Variants in PVT1 observed in about 807,000 individuals in gnomAD.
The protein encoded by PVT1 is CXCR4/PVT1 fusion.
At chr8:127,889,746 T>C (rs10111989) in intron 2 of PVT1, among the ~76,000 whole-genome samples, 115,787 of 151,996 alleles carry the variant, frequency 0.76, 44,960 homozygotes, top group African/African-American at 0.93. Flanking sequence ...GAATGGTTGT[T>C]TGTTCCTCCA....
intron 2 of PVT1, among the ~76,000 whole-genome samples, chr8:127,815,498 T>C (rs7812950): frequency 0.015 from 2,348 of 152,314 alleles, 56 homozygotes; most frequent in African/African-American, 0.053. Context: ...GTCTTGACCC[T>C]GTGCTGGGGC....
At chr8:128,050,508 G>A (rs921810408) in intron 4 of PVT1, among the ~76,000 whole-genome samples, 2 of 152,182 alleles carry the variant, frequency 1.3e-5, no homozygotes, top group African/African-American at 4.8e-5. Flanking sequence ...CTCACTTCTT[G>A]TCTTTTAAAC....
intron 4 of PVT1, among the ~76,000 whole-genome samples, chr8:128,022,126 C>G (rs1352227465): frequency 6.6e-6 from 1 of 152,164 alleles, no homozygotes; most frequent in East Asian, 1.9e-4. Context: ...AGCTCTGGAC[C>G]CTGTTTGGCC....
chr8:127,900,686 A>G (rs899726587), intron 3 of PVT1, among the ~76,000 whole-genome samples: 2 of 152,228 alleles, frequency 1.3e-5, no homozygotes, highest in Non-Finnish European at 1.5e-5. Context: ...TTTGTAAACA[A>G]TGCTGTCATG....
At chr8:127,966,158 C>T (rs561741514) in intron 3 of PVT1, among the ~76,000 whole-genome samples, 3 of 152,110 alleles carry the variant, frequency 2.0e-5, no homozygotes, top group Admixed American at 6.6e-5. Context: ...ATAATAACAG[C>T]GTCTAAGAGA....
intron 3 of PVT1, among the ~76,000 whole-genome samples, chr8:127,945,979 G>A (rs570765177): frequency 1.8e-4 from 28 of 152,242 alleles, no homozygotes; most frequent in African/African-American, 6.0e-4. Context: ...GCCTCGCTGC[G>A]GGTTGGAAAA....
At chr8:128,058,118 A>G (rs1208669778) in intron 4 of PVT1, among the ~76,000 whole-genome samples, 1 of 152,172 alleles carries the variant, frequency 6.6e-6, no homozygotes, top group African/African-American at 2.4e-5. Context: ...CCTACTCAAC[A>G]TGGAGCTCTG....
At chr8:127,932,518 CT>C in intron 3 of PVT1, 1 of 398,560 alleles carries the variant, frequency 2.5e-6, no homozygotes, top group Non-Finnish European at 4.4e-6. Flanking sequence ...CTCCCAGCAC[CT>C]GCCTTATCCA....
At chr8:127,924,458 C>T (rs572116482) in intron 3 of PVT1, among the ~76,000 whole-genome samples, 97 of 151,162 alleles carry the variant, frequency 6.4e-4, no homozygotes, top group African/African-American at 2.3e-3. Flanking sequence ...TTCAGCCTCC[C>T]GAGTAGCTGA....
intron 3 of PVT1, among the ~76,000 whole-genome samples, chr8:127,911,922 T>G (rs554236174): frequency 2.6e-5 from 4 of 152,338 alleles, no homozygotes; most frequent in Admixed American, 1.3e-4. Flanking sequence ...CACCACAGGT[T>G]TACGGGTGGT....
chr8:127,842,086 A>G (rs2129717201), intron 2 of PVT1, among the ~76,000 whole-genome samples: 1 of 150,890 alleles, frequency 6.6e-6, no homozygotes, highest in African/African-American at 2.4e-5. Context: ...ATTTATATAT[A>G]TTTTGTTATC....
At chr8:127,955,859 C>G (rs776479569) in intron 3 of PVT1, among the ~76,000 whole-genome samples, 2 of 152,338 alleles carry the variant, frequency 1.3e-5, no homozygotes, top group Middle Eastern at 3.4e-3. Flanking sequence ...TGCTGGGTTA[C>G]AGGCGTGAAC....
intron 4 of PVT1, chr8:128,049,354 C>T (rs1813658585): frequency 2.9e-6 from 1 of 346,286 alleles, no homozygotes; most frequent in African/African-American, 2.2e-5. Context: ...ATGACGCATG[C>T]CCAGCTTTGC....
At chr8:128,056,107 C>T (rs151270262) in intron 4 of PVT1, among the ~76,000 whole-genome samples, 180 of 152,334 alleles carry the variant, frequency 1.2e-3, no homozygotes, top group African/African-American at 3.8e-3. Context: ...GACCTCTGAA[C>T]AGAAACTCTG....
chr8:127,947,544 T>G lies in PVT1; in HGVS notation n.783-41618T>G, dbSNP rs116335920. The stretch of plus-strand genomic sequence containing the variant: ...GGGATTTACAAGGTGGGCCTCAGGT[T>G]TCTCCCCTCCCAGGTGGGCATAGGA... On this transcript the variant is annotated intron_variant and non_coding_transcript_variant, in intron 3 of 10. Transcript: ENST00000651587. 2.5e-3 allele frequency: 894 copies of G among 363,558 alleles called. 12 individuals carry two copies. The highest frequency in any genetic ancestry group is 0.018 in the African/African-American group (830 of 47,022). 22.5% of individuals were successfully genotyped at this position (363,558 alleles called of 1,614,324 possible).
chr8:127,942,928 T>C (rs1816370021), intron 3 of PVT1, among the ~76,000 whole-genome samples: 1 of 152,244 alleles, frequency 6.6e-6, no homozygotes, highest in Non-Finnish European at 1.5e-5. Flanking sequence ...TATTATTCCT[T>C]AGGATTTGAG....
intron 3 of PVT1, among the ~76,000 whole-genome samples, chr8:127,901,122 G>A (rs1375455216): frequency 6.6e-6 from 1 of 152,246 alleles, no homozygotes; most frequent in Non-Finnish European, 1.5e-5. Context: ...GAAGCCAACA[G>A]CGTTGTCTGG....
chr8:127,997,599 C>T (rs1363677018), intron 4 of PVT1, among the ~76,000 whole-genome samples: 1 of 152,198 alleles, frequency 6.6e-6, no homozygotes, highest in African/African-American at 2.4e-5. Flanking sequence ...CCTCCAGACA[C>T]TTTTAAAGAA....
Position 127,883,988 on chromosome 8 carries a change from C to A in PVT1, n.373-6601C>A, listed in dbSNP as rs147239259. 9.7e-3 allele frequency among the ~76,000 whole-genome samples: 1,484 copies of A among 152,226 alleles called. 28 individuals are homozygous for A. Among genetic ancestry groups the A allele is most frequent in the African/African-American group, 0.034 (1,427 of 41,518 alleles). Reference sequence around the variant, plus strand: ...GCAAACATATTTTCACAGGAAAACTCAAAAAATATAAACTCCCTTTTTATA... The same window carrying A: ...GCAAACATATTTTCACAGGAAAACTAAAAAAATATAAACTCCCTTTTTATA... On this transcript the variant is annotated intron_variant and non_coding_transcript_variant, in intron 2 of 10. Coordinates refer to ENST00000651587, the Ensembl canonical transcript of PVT1.
Sources: allele counts gnomAD v4.1 joint callset (sites outside exome capture counted in the v4.1 genomes callset), GRCh38; gene constraint gnomAD v4.1.1; transcripts MANE v1.5; gene names NCBI Gene and HGNC (gene_info 2026-07-23, HGNC 2026-07-21).